The following SLCO3A1 variants were observed in gnomAD, a reference collection of about 807,000 sequenced individuals.
SLCO3A1 encodes the protein solute carrier organic anion transporter family member 3A1, also known as PGE1 transporter.
A neutral mutation model predicts 63.1 loss-of-function variants in SLCO3A1; 27 were observed. The ratio of observed to expected loss-of-function variants is 0.43; its 90% confidence interval spans 0.32 to 0.59. SLCO3A1 has a LOEUF of 0.59. Among genes scored for constraint, SLCO3A1 ranks in the 20% least tolerant of loss-of-function variants. The pLI, the probability that SLCO3A1 is intolerant of heterozygous loss-of-function variation, is 0.09. For missense variants in SLCO3A1, 773 were observed against 945.8 expected (o/e 0.82, Z 2.40); for synonymous variants, 473 against 409.9 (o/e 1.15, Z -1.86).
At chr15:92,102,419 G>A (rs755645944) in intron 3 of SLCO3A1, among the ~76,000 whole-genome samples, 6 of 152,126 alleles carry the variant, frequency 3.9e-5, no homozygotes, top group Non-Finnish European at 5.9e-5. Context: ...TCTATACAAA[G>A]AGCCTACTGT....
intron 1 of SLCO3A1, among the ~76,000 whole-genome samples, chr15:91,890,605 C>T (rs1413196558): frequency 6.6e-6 from 1 of 152,228 alleles, no homozygotes; most frequent in Admixed American, 6.5e-5. Context: ...AGAGACTTAA[C>T]TGGAATTCTG....
In SLCO3A1 at chr15:91,863,440, C is replaced by T. The variant is rs184074558; in HGVS notation, c.180+9352C>T. Among the ~76,000 whole-genome samples the T allele has an allele frequency of 3.9e-5, 6 of 152,322 alleles. No individual in the cohort carries two copies. Among genetic ancestry groups the T allele is most frequent in the African/African-American group, 7.2e-5 (3 of 41,580 alleles). ...GGATGGCCGTGAGTACAACCACTGC[C>T]GGTTGTGACAGACACCATCCTTTGG... is the stretch of plus-strand genomic sequence containing the variant. On this transcript the variant is annotated intron_variant, in intron 1 of 9. Transcript: ENST00000318445. This position sits in a 1 kb window ranked among gnomAD's most constrained non-coding sequence, Gnocchi z 4.3.
At chr15:92,143,421 T>TATA (rs1269218872) in intron 7 of SLCO3A1, among the ~76,000 whole-genome samples, 11 of 3,466 alleles carry the variant, frequency 3.2e-3, no homozygotes, top group African/African-American at 0.028. Context: ...ATATATATTA[T>TATA]ATATATATAA....
intron 2 of SLCO3A1, among the ~76,000 whole-genome samples, chr15:91,946,748 C>A (rs979166853): frequency 6.6e-6 from 1 of 152,122 alleles, no homozygotes; most frequent in Non-Finnish European, 1.5e-5. Flanking sequence ...GCTGTCAGAA[C>A]CCCCAGTTCC....
rs192218414 is a variant in SLCO3A1, at chr15:91,954,691, G to C, written c.646+38233G>C. On this transcript the variant is annotated intron_variant, in intron 2 of 9. Transcript: ENST00000318445. This position sits in a 1 kb window ranked among gnomAD's most constrained non-coding sequence, Gnocchi z 4.7. ...TGATTTTTATCAGGGTGGAGCCCCT[G>C]TGGTTAGAGCCCAATGAGTGAGGGG... Among the ~76,000 whole-genome samples the C allele has an allele frequency of 1.2e-3, 176 of 152,124 alleles. 2 individuals are homozygous for C. Among genetic ancestry groups the C allele is most frequent in the African/African-American group, 4.0e-3 (167 of 41,434 alleles).
chr15:91,941,723 A>G lies in SLCO3A1; in HGVS notation c.646+25265A>G, dbSNP rs1352308244. The G allele has an allele frequency of 5.5e-6, 2 of 363,706 alleles. No homozygotes were observed. The highest frequency in any genetic ancestry group is 2.1e-5 in the African/African-American group (1 of 46,808). 22.5% of individuals were successfully genotyped at this position (363,706 alleles called of 1,614,324 possible). The stretch of plus-strand genomic sequence containing the variant: ...CTCCTTTTTAATTTTTATGTTTAAA[A>G]TATCTTCTATTCATTAACCTTCATG... On this transcript the variant is annotated intron_variant, in intron 2 of 9. Transcript: ENST00000318445. This position sits in a 1 kb window ranked among gnomAD's most constrained non-coding sequence, Gnocchi z 4.4.
chr15:92,044,413 G>A (rs192363541), intron 2 of SLCO3A1, among the ~76,000 whole-genome samples: 16 of 152,170 alleles, frequency 1.1e-4, no homozygotes, highest in Admixed American at 9.2e-4. Flanking sequence ...TCTTCCCATT[G>A]TGGGTTTCAG....
chr15:92,094,762 G>GA, intron 2 of SLCO3A1, 119 bp from the exon 3 acceptor site: 1 of 649,296 alleles, frequency 1.5e-6, no homozygotes, highest in Non-Finnish European at 2.7e-6. Flanking sequence ...AGGATTTTTA[G>GA]ATGAATTCCT....
intron 1 of SLCO3A1, among the ~76,000 whole-genome samples, chr15:91,887,331 G>A (rs929245800): frequency 2.0e-5 from 3 of 152,004 alleles, no homozygotes; most frequent in Non-Finnish European, 4.4e-5. Flanking sequence ...TTTTGATGTC[G>A]AGACCCCTGC....
At chr15:91,940,582 G>A (rs1189687185) in intron 2 of SLCO3A1, among the ~76,000 whole-genome samples, 1 of 152,136 alleles carries the variant, frequency 6.6e-6, no homozygotes, top group Non-Finnish European at 1.5e-5. Flanking sequence ...GGAAATTTGT[G>A]ACAGGGTGAT....
At chr15:91,902,797 T>G (rs1898193298) in intron 1 of SLCO3A1, among the ~76,000 whole-genome samples, 1 of 152,174 alleles carries the variant, frequency 6.6e-6, no homozygotes. Context: ...GTGTGGACTC[T>G]GGCACCGGAT....
chr15:92,167,275 C>G (rs544351447), downstream of SLCO3A1, among the ~76,000 whole-genome samples: 67 of 152,350 alleles, frequency 4.4e-4, 1 homozygote, highest in African/African-American at 1.6e-3. Flanking sequence ...GCTGGCTCCA[C>G]TGGGCTCACG....
At chr15:92,038,211 G>A (rs2046751641) in intron 2 of SLCO3A1, among the ~76,000 whole-genome samples, 1 of 152,168 alleles carries the variant, frequency 6.6e-6, no homozygotes, top group African/African-American at 2.4e-5. Context: ...ATCCCAGTCT[G>A]AACAACCTTG....
At chr15:92,088,215 C>T (rs1377836804) in intron 2 of SLCO3A1, among the ~76,000 whole-genome samples, 1 of 152,138 alleles carries the variant, frequency 6.6e-6, no homozygotes, top group Non-Finnish European at 1.5e-5. Context: ...CAACAAACAG[C>T]GAACTTACTG....
In SLCO3A1 at chr15:91,948,192, G is replaced by A. The variant is rs1208321968; in HGVS notation, c.646+31734G>A. Among the ~76,000 whole-genome samples the A allele has an allele frequency of 2.0e-5, 3 of 152,218 alleles. No homozygotes were observed. On this transcript the variant is annotated intron_variant, in intron 2 of 9. Transcript: ENST00000318445. This position sits in a 1 kb window ranked among gnomAD's most constrained non-coding sequence, Gnocchi z 4.8. ...TACCTGCCCTTTGTTTCAGTGCCAT[G>A]CGGCTAATGAATGCCGACCTCCGGG...
Position 91,916,498 on chromosome 15 carries a change from G to T in SLCO3A1, c.646+40G>T. 1 of 1,456,746 alleles carries T rather than the reference G, an allele frequency of 6.9e-7. No homozygotes were observed. The highest frequency in any genetic ancestry group is 9.3e-7 in the Non-Finnish European group (1 of 1,072,652). 90.2% of individuals were successfully genotyped at this position (1,456,746 alleles called of 1,614,324 possible). A position where few individuals can be genotyped will look rare whatever the true frequency, so the allele number is the denominator to read the frequency against. On this transcript the variant is annotated intron_variant, in intron 2 of 9. Coordinates refer to ENST00000318445, the MANE Select transcript of SLCO3A1 (RefSeq NM_013272.4). This position sits in a 1 kb window ranked among gnomAD's most constrained non-coding sequence, Gnocchi z 6.2. ...AGCCGTATTAGCAAGAGACCAGGGT[G>T]TGTTGACCATGGATAAAAGGTGGCC...
At chr15:92,170,439 C>T (rs1453514367), downstream of SLCO3A1, among the ~76,000 whole-genome samples, 15 of 152,186 alleles carry the variant, frequency 9.9e-5, no homozygotes, top group African/African-American at 3.6e-4. Flanking sequence ...TATTCTTTTC[C>T]ACTTCACAGG....
intron 2 of SLCO3A1, among the ~76,000 whole-genome samples, chr15:91,938,212 C>T (rs1899483231): frequency 6.6e-6 from 1 of 152,192 alleles, no homozygotes. Context: ...TGGGGTAATA[C>T]TATCTGCGTT....
intron 1 of SLCO3A1, among the ~76,000 whole-genome samples, chr15:91,905,796 T>C (rs1044384896): frequency 6.6e-6 from 1 of 152,222 alleles, no homozygotes; most frequent in Non-Finnish European, 1.5e-5. Flanking sequence ...AAATTTCATA[T>C]GACCTCAGAA....
Sources: allele counts gnomAD v4.1 joint callset (sites outside exome capture counted in the v4.1 genomes callset), GRCh38; gene constraint gnomAD v4.1.1; non-coding constraint Gnocchi (gnomAD v3.1); transcripts MANE v1.5; gene names NCBI Gene and HGNC (gene_info 2026-07-23, HGNC 2026-07-21).